Variants in STXBP4 observed in about 807,000 individuals in gnomAD.
STXBP4 encodes syntaxin-binding protein 4.
In STXBP4, 55 loss-of-function variants were observed where a neutral mutation model predicts 76.1. The ratio of observed to expected loss-of-function variants is 0.72; its 90% CI spans 0.58 to 0.91. STXBP4 has a LOEUF of 0.91. Ranked by LOEUF, STXBP4 falls within the 40% of genes least tolerant of loss-of-function variation. The probability of loss-of-function intolerance (pLI) is 0.00; values close to 1 mark genes in which losing one functional copy is unlikely to be tolerated. For synonymous variants in STXBP4, 201 were observed against 220.2 expected, an observed-to-expected ratio of 0.91 and a Z score of 0.77; for missense variants, 618 against 636.9, an observed-to-expected ratio of 0.97 and a Z score of 0.32.
chr17:55,116,197 G>A (rs140586196), intron 16 of STXBP4, among the ~76,000 whole-genome samples: 81 of 151,848 alleles, frequency 5.3e-4, no homozygotes, highest in African/African-American at 1.9e-3. Context: ...CCTGATAGAT[G>A]TACTCAAATC....
At chr17:55,019,369 ATTT>A (rs2078264313) in intron 8 of STXBP4, among the ~76,000 whole-genome samples, 2 of 152,170 alleles carry the variant, frequency 1.3e-5, no homozygotes, top group East Asian at 1.9e-4. Context: ...TAACATGCAC[ATTT>A]AACTTAAAAG....
chr17:55,091,023 A>G (rs1824612653), intron 16 of STXBP4, among the ~76,000 whole-genome samples: 1 of 152,170 alleles, frequency 6.6e-6, no homozygotes, highest in African/African-American at 2.4e-5. Flanking sequence ...AGGTTTCTAC[A>G]CCCAAGAGGC....
intron 6 of STXBP4, 55 bp from the exon 7 acceptor site, chr17:55,000,753 T>G (rs749001951): frequency 3.5e-6 from 4 of 1,154,158 alleles, no homozygotes; most frequent in Admixed American, 1.7e-5. Context: ...TAACATGGGC[T>G]TCAAGTGACC....
the STXBP4 span, among the ~76,000 whole-genome samples, chr17:55,199,161 G>A: frequency 2.6e-5 from 4 of 152,320 alleles, no homozygotes; most frequent in East Asian, 5.8e-4. Flanking sequence ...TCTGCTGCTG[G>A]TTAGCAAAAA....
rs762376207 is a variant in STXBP4 at position 55,159,901 on chromosome 17, A to C, written c.1652A>C (p.Gln551Pro). The change falls in exon 18 of 18, where the codon CAG (glutamine) becomes CCG (proline). Residue 551 changes from glutamine (Q) to proline (P), a missense_variant. Transcript: ENST00000376352. ...EEDCSRELPN[Q>P]KS ...GATTGCTCTAGAGAACTCCCCAACCAGAAAAGTTGATGGTTTTCCTTAGGA... is the reference window on the plus strand; with the variant it reads ...GATTGCTCTAGAGAACTCCCCAACCCGAAAAGTTGATGGTTTTCCTTAGGA... The C allele has an allele frequency of 1.2e-6, 2 of 1,610,148 alleles. No homozygotes were observed. The highest frequency in any genetic ancestry group is 2.2e-5 in the East Asian group (1 of 44,804).
the STXBP4 span, among the ~76,000 whole-genome samples, chr17:55,211,799 GTTTTTTTTT>G: frequency 4.1e-4 from 20 of 49,004 alleles, 1 homozygote; most frequent in African/African-American, 9.7e-4. Context: ...GTTTTTTGTT[GTTTTTTTTT>G]TTTTTTTTTT....
intron 16 of STXBP4, among the ~76,000 whole-genome samples, chr17:55,082,968 A>AT (rs57240226): frequency 0.077 from 11,370 of 148,478 alleles, 1,385 homozygotes; most frequent in African/African-American, 0.26. Context: ...GCAAGAAAGC[A>AT]TTTTTTTTTT....
intron 13 of STXBP4, among the ~76,000 whole-genome samples, chr17:55,073,425 G>A (rs2079145504): frequency 6.6e-6 from 1 of 152,104 alleles, no homozygotes; most frequent in Admixed American, 6.5e-5. Context: ...ATGGGAGCAG[G>A]GGAGTCTAGG....
At chr17:55,002,720 C>G (rs2077940994) in intron 7 of STXBP4, among the ~76,000 whole-genome samples, 2 of 152,208 alleles carry the variant, frequency 1.3e-5, no homozygotes, top group African/African-American at 4.8e-5. Flanking sequence ...CCACCAGGCT[C>G]TGAATACAGA....
the STXBP4 span, among the ~76,000 whole-genome samples, chr17:55,197,469 C>G: frequency 2.0e-5 from 3 of 152,144 alleles, no homozygotes; most frequent in Non-Finnish European, 4.4e-5. Context: ...AGTGGCCAGG[C>G]GCTGTGGCTC....
chr17:55,069,636 C>A (rs2079098406), intron 12 of STXBP4, among the ~76,000 whole-genome samples: 1 of 152,262 alleles, frequency 6.6e-6, no homozygotes, highest in South Asian at 2.1e-4. Flanking sequence ...TAAGGGGTCA[C>A]ATTCACCAAC....
At chr17:55,157,497 TAA>T (rs2080292424) in intron 17 of STXBP4, among the ~76,000 whole-genome samples, 1 of 152,338 alleles carries the variant, frequency 6.6e-6, no homozygotes, top group East Asian at 1.9e-4. Context: ...TAAACCATTT[TAA>T]AGAGATATTA....
Position 55,037,294 on chromosome 17 carries a change from G to A in STXBP4, c.855+3035G>A, listed in dbSNP as rs540277444. Among the ~76,000 whole-genome samples the A allele has an allele frequency of 2.9e-4, 44 of 152,222 alleles. 1 individual carries two copies. The highest frequency in any genetic ancestry group is 6.8e-3 in the Middle Eastern group (2 of 294). ...CAGAGCTGCCATGCTCATTTTTGAT[G>A]AGGAAGGCAAAGATGGTTGGGTAGT... On this transcript the variant is annotated intron_variant, in intron 10 of 17. Transcript: ENST00000376352.
chr17:55,212,701 G>A, the STXBP4 span, among the ~76,000 whole-genome samples: 448 of 152,264 alleles, frequency 2.9e-3, no homozygotes, highest in Non-Finnish European at 2.7e-3. Flanking sequence ...GTCCATAGGT[G>A]TCCATGCTTT....
At chr17:55,134,504 A>G (rs1179384518) in intron 16 of STXBP4, among the ~76,000 whole-genome samples, 3 of 152,168 alleles carry the variant, frequency 2.0e-5, no homozygotes, top group Non-Finnish European at 4.4e-5. Flanking sequence ...CATCCAAAAC[A>G]ATTATATATA....
In STXBP4 at chr17:55,071,424, C is replaced by A. The variant is rs573168453; in HGVS notation, c.1012-1476C>A. On this transcript the variant is annotated intron_variant, in intron 12 of 17. Coordinates refer to ENST00000376352, the MANE Select transcript of STXBP4 (RefSeq NM_178509.6). Reference sequence around the variant, plus strand: ...CTTCCTTGCTGTTCTCTGAAAGACACAAATCACAGCTCCATCTCAGGGCCT... The same window carrying A: ...CTTCCTTGCTGTTCTCTGAAAGACAAAAATCACAGCTCCATCTCAGGGCCT... Among the ~76,000 whole-genome samples, 7 of 152,282 alleles carry A rather than the reference C, an allele frequency of 4.6e-5. No individual in the cohort carries two copies. In the South Asian group the frequency reaches 1.5e-3, roughly 32 times the overall value.
intron 1 of STXBP4, among the ~76,000 whole-genome samples, chr17:54,975,904 T>C (rs1269508939): frequency 6.6e-6 from 1 of 152,220 alleles, no homozygotes; most frequent in East Asian, 1.9e-4. Flanking sequence ...ATTTGGATCT[T>C]AGCTGGGACA....
At chr17:55,049,057 T>C (rs1432860022) in intron 12 of STXBP4, among the ~76,000 whole-genome samples, 1 of 151,912 alleles carries the variant, frequency 6.6e-6, no homozygotes, top group East Asian at 1.9e-4. Context: ...CAGCATTGGG[T>C]TTCTCAAAAC....
intron 8 of STXBP4, among the ~76,000 whole-genome samples, chr17:55,019,833 C>G (rs959468499): frequency 2.0e-5 from 3 of 152,010 alleles, no homozygotes; most frequent in South Asian, 2.1e-4. Context: ...TTTTGTAGCT[C>G]TTATTCTCAT....
Sources: allele counts gnomAD v4.1 joint callset (sites outside exome capture counted in the v4.1 genomes callset), GRCh38; gene constraint gnomAD v4.1.1; transcripts MANE v1.5; gene names NCBI Gene and HGNC (gene_info 2026-07-23, HGNC 2026-07-21).